NLGN1: variants seen among roughly 807,000 people sequenced by gnomAD.
NLGN1 encodes neuroligin-1.
In NLGN1, 12 loss-of-function variants were observed where a neutral mutation model predicts 65.5. The observed-to-expected ratio is 0.18, with a 90% CI of 0.12 to 0.30. The LOEUF is 0.30. Among genes scored for constraint, NLGN1 ranks in the 10% least tolerant of loss-of-function variants. The pLI, the probability that NLGN1 is intolerant of heterozygous loss-of-function variation, is 1.00. For synonymous variants in NLGN1, 350 were observed against 359.5 expected, an observed-to-expected ratio of 0.97 and a Z score of 0.30; for missense variants, 750 against 1,007.1, an observed-to-expected ratio of 0.74 and a Z score of 3.46.
intron 3 of NLGN1, among the ~76,000 whole-genome samples, chr3:173,801,539 G>A (rs549194493): frequency 2.6e-5 from 4 of 151,900 alleles, no homozygotes; most frequent in African/African-American, 9.7e-5. Flanking sequence ...TGCCTTATTT[G>A]CATTGACATA....
intron 3 of NLGN1, among the ~76,000 whole-genome samples, chr3:173,734,191 G>A (rs914085313): frequency 2.6e-5 from 4 of 151,558 alleles, no homozygotes; most frequent in Non-Finnish European, 5.9e-5. Flanking sequence ...AATAACATTT[G>A]GTTTTATAAT....
chr3:173,604,511 A>G (rs1751053546), exon 3 of NLGN1: 7 of 1,401,862 alleles, frequency 5.0e-6, no homozygotes, highest in South Asian at 1.3e-5. Flanking sequence ...AATCGGAGGT[A>G]TATTCTACCA....
exon 5 of NLGN1, chr3:174,275,421 C>T: frequency 6.2e-7 from 1 of 1,612,444 alleles, no homozygotes; most frequent in Non-Finnish European, 8.5e-7. Flanking sequence ...TTGGTGGTGA[C>T]CCCTTAAGAA....
intron 3 of NLGN1, among the ~76,000 whole-genome samples, chr3:173,737,102 A>T (rs576499811): frequency 8.0e-4 from 121 of 152,168 alleles, no homozygotes; most frequent in Non-Finnish European, 1.3e-3. Flanking sequence ...GCAAAAATCC[A>T]CTGGTAGTTT....
chr3:174,026,987 T>C (rs1034579467), intron 4 of NLGN1, among the ~76,000 whole-genome samples: 1 of 151,986 alleles, frequency 6.6e-6, no homozygotes, highest in Admixed American at 6.6e-5. Context: ...AGATTGATTG[T>C]CTTGGGTGTT....
At chr3:173,841,677 GA>G (rs1724804671) in intron 4 of NLGN1, among the ~76,000 whole-genome samples, 1 of 152,140 alleles carries the variant, frequency 6.6e-6, no homozygotes. Context: ...TATAAAGGTA[GA>G]AACTTTGAGA....
At chr3:173,758,128 C>T (rs1777413657) in intron 3 of NLGN1, among the ~76,000 whole-genome samples, 1 of 152,086 alleles carries the variant, frequency 6.6e-6, no homozygotes, top group African/African-American at 2.4e-5. Flanking sequence ...GAGAAAACTC[C>T]TTCTCTCCAT....
At chr3:173,452,075 C>T (rs1010902463) in intron 2 of NLGN1, among the ~76,000 whole-genome samples, 3 of 152,222 alleles carry the variant, frequency 2.0e-5, no homozygotes, top group Non-Finnish European at 2.9e-5. Flanking sequence ...CCTGCACCCA[C>T]TGTCTGGCTC....
intron 3 of NLGN1, among the ~76,000 whole-genome samples, chr3:173,783,101 CAA>C (rs759126869): frequency 2.0e-5 from 3 of 151,982 alleles, no homozygotes; most frequent in Admixed American, 6.6e-5. Flanking sequence ...CACACGAAAA[CAA>C]AGAGTGGTTA....
chr3:173,668,612 T>C (rs1762034836), intron 3 of NLGN1, among the ~76,000 whole-genome samples: 1 of 144,332 alleles, frequency 6.9e-6, no homozygotes, highest in South Asian at 2.2e-4. Context: ...CTTTTTACTT[T>C]TCTTTTCTTT....
Position 173,633,868 on chromosome 3 carries a change from C to T in NLGN1, c.493+28777C>T, listed in dbSNP as rs369119143. Reference sequence around the variant, plus strand: ...CGAACTGGATCTTTTTTTCCATAACCCTTTCTGATCCCCATAGCTTGTTAA... The same window carrying T: ...CGAACTGGATCTTTTTTTCCATAACTCTTTCTGATCCCCATAGCTTGTTAA... On this transcript the variant is annotated intron_variant, in intron 3 of 6. Coordinates refer to ENST00000457714, the Ensembl canonical transcript of NLGN1. 5.9e-5 allele frequency among the ~76,000 whole-genome samples: 9 copies of T among 152,138 alleles called. No homozygotes were observed. In the South Asian group the frequency reaches 1.0e-3, roughly 18 times the overall value.
intron 3 of NLGN1, among the ~76,000 whole-genome samples, chr3:173,703,233 AGC>A (rs1767527674): frequency 6.6e-6 from 1 of 152,320 alleles, no homozygotes; most frequent in Non-Finnish European, 1.5e-5. Context: ...ATTAGTACAA[AGC>A]TATGTGAAAG....
intron 3 of NLGN1, among the ~76,000 whole-genome samples, chr3:173,773,177 A>C (rs1779831105): frequency 1.3e-5 from 2 of 152,134 alleles, no homozygotes; most frequent in South Asian, 4.1e-4. Flanking sequence ...AAAGAGCTTC[A>C]AGTCACACAT....
At chr3:173,838,809 G>A (rs1395932152) in intron 4 of NLGN1, among the ~76,000 whole-genome samples, 3 of 152,138 alleles carry the variant, frequency 2.0e-5, no homozygotes, top group African/African-American at 7.2e-5. Context: ...TATACTCATA[G>A]AGTGAAATTG....
intron 2 of NLGN1, among the ~76,000 whole-genome samples, chr3:173,451,706 A>G (rs906825561): frequency 2.0e-5 from 3 of 152,138 alleles, no homozygotes; most frequent in African/African-American, 7.2e-5. Flanking sequence ...GGTGAGCTCC[A>G]CCCAGTTCGA....
intron 2 of NLGN1, among the ~76,000 whole-genome samples, chr3:173,508,117 T>TA (rs1732331052): frequency 6.6e-6 from 1 of 152,170 alleles, no homozygotes; most frequent in African/African-American, 2.4e-5. Flanking sequence ...TGTCTACTTT[T>TA]AGAGGCTAAC....
At chr3:174,096,146 A>G (rs9840399) in intron 4 of NLGN1, among the ~76,000 whole-genome samples, 8,621 of 151,270 alleles carry the variant, frequency 0.057, 310 homozygotes, top group African/African-American at 0.092. Context: ...AATGTATATA[A>G]TAGACAAAAA....
chr3:174,099,734 A>G (rs560997805), intron 4 of NLGN1, among the ~76,000 whole-genome samples: 1 of 151,876 alleles, frequency 6.6e-6, no homozygotes, highest in Non-Finnish European at 1.5e-5. Flanking sequence ...TTAACTTCAG[A>G]AAAAAAAAGT....
chr3:174,160,529 T>A (rs2152719294), intron 4 of NLGN1, among the ~76,000 whole-genome samples: 1 of 151,796 alleles, frequency 6.6e-6, no homozygotes, highest in African/African-American at 2.4e-5. Flanking sequence ...CTTCAGTTGC[T>A]AACATCTCAT....
Sources: allele counts gnomAD v4.1 joint callset (sites outside exome capture counted in the v4.1 genomes callset), GRCh38; gene constraint gnomAD v4.1.1; transcripts MANE v1.5; gene names NCBI Gene and HGNC (gene_info 2026-07-23, HGNC 2026-07-21).